Variants in PIK3C2G observed in about 807,000 individuals in gnomAD.
PIK3C2G encodes phosphatidylinositol-4-phosphate 3-kinase catalytic subunit type 2 gamma, also known as phosphatidylinositol 3-kinase C2 domain-containing subunit gamma.
PIK3C2G carries 168 observed loss-of-function variants against 181.1 expected under a neutral mutation model. The observed-to-expected ratio is 0.93, with a 90% CI of 0.82 to 1.05. PIK3C2G has a LOEUF of 1.05. Ranked by LOEUF, PIK3C2G falls within the 50% of genes least tolerant of loss-of-function variation. The pLI, the probability that PIK3C2G is intolerant of heterozygous loss-of-function variation, is 0.00. For synonymous variants in PIK3C2G, 573 were observed against 592.2 expected, an observed-to-expected ratio of 0.97 and a Z score of 0.47; for missense variants, 1,869 against 1,732.8, an observed-to-expected ratio of 1.08 and a Z score of -1.40.
chr12:18,515,090 T>G (rs1403223184), intron 24 of PIK3C2G, among the ~76,000 whole-genome samples: 1 of 152,070 alleles, frequency 6.6e-6, no homozygotes, highest in Non-Finnish European at 1.5e-5. Flanking sequence ...TAAATCCCAC[T>G]TGATCATGGT....
chr12:18,487,202 A>T (rs1249962009), intron 18 of PIK3C2G, among the ~76,000 whole-genome samples: 1 of 151,856 alleles, frequency 6.6e-6, no homozygotes, highest in Non-Finnish European at 1.5e-5. Context: ...TTGAGAAAAT[A>T]AAAGAGGTAC....
At chr12:18,356,472 C>T (rs772372183) in intron 11 of PIK3C2G, among the ~76,000 whole-genome samples, 1 of 152,144 alleles carries the variant, frequency 6.6e-6, no homozygotes, top group African/African-American at 2.4e-5. Context: ...CAATCTCTGG[C>T]ACCCCAGAGG....
chr12:18,547,675 C>A (rs1944505420), intron 26 of PIK3C2G, among the ~76,000 whole-genome samples: 1 of 119,540 alleles, frequency 8.4e-6, no homozygotes, highest in African/African-American at 3.2e-5. Context: ...AAAAAAAACC[C>A]TGCCTTCTTG....
rs374210321 is a variant in PIK3C2G, at chr12:18,313,922, T to C, written c.1035-40T>C. ...GAGGAAAACATGTATTTGGGAATAT[T>C]ATGGGAGGATATGATTGTGTTCATT... On this transcript the variant is annotated intron_variant, in intron 5 of 32. Transcript: ENST00000538779. 4.1e-6 allele frequency: 4 copies of C among 982,138 alleles called. No homozygotes were observed. In the African/African-American group the frequency reaches 4.9e-5, roughly 12 times the overall value. The allele number at this position is 982,138 out of a possible 1,614,324, so 60.8% of individuals were successfully genotyped here. A position where few individuals can be genotyped will look rare whatever the true frequency, so the allele number is the denominator to read the frequency against.
chr12:18,517,616 C>G (rs1021341144), intron 24 of PIK3C2G, among the ~76,000 whole-genome samples: 1 of 152,128 alleles, frequency 6.6e-6, no homozygotes, highest in Non-Finnish European at 1.5e-5. Context: ...TGCTTATCAG[C>G]TTAAGGAGTT....
intron 1 of PIK3C2G, among the ~76,000 whole-genome samples, chr12:18,268,791 T>C (rs1429885419): frequency 6.6e-6 from 1 of 152,218 alleles, no homozygotes; most frequent in African/African-American, 2.4e-5. Context: ...TGTATTCAAC[T>C]TACCATTGGT....
chr12:18,653,312 T>G (rs1219815420), downstream of PIK3C2G, among the ~76,000 whole-genome samples: 1 of 152,116 alleles, frequency 6.6e-6, no homozygotes, highest in Non-Finnish European at 1.5e-5. Context: ...AAAACTCCAG[T>G]GATAAAAGTA....
At chr12:18,653,242 G>A (rs1344784829), downstream of PIK3C2G, among the ~76,000 whole-genome samples, 2 of 152,204 alleles carry the variant, frequency 1.3e-5, no homozygotes, top group East Asian at 1.9e-4. Flanking sequence ...GGATTATTGA[G>A]AAGCCATCAT....
chr12:18,397,699 C>T (rs1168323349), intron 15 of PIK3C2G, among the ~76,000 whole-genome samples: 1 of 152,030 alleles, frequency 6.6e-6, no homozygotes, highest in Non-Finnish European at 1.5e-5. Flanking sequence ...ACAATTACTT[C>T]AGAAAACAGT....
At chr12:18,375,056 C>T (rs1047782141) in intron 13 of PIK3C2G, among the ~76,000 whole-genome samples, 5 of 152,148 alleles carry the variant, frequency 3.3e-5, no homozygotes, top group East Asian at 3.9e-4. Context: ...CCCAGAAAGT[C>T]GGTACCAGGA....
intron 29 of PIK3C2G, among the ~76,000 whole-genome samples, chr12:18,578,083 T>G (rs1946319909): frequency 6.6e-6 from 1 of 152,178 alleles, no homozygotes; most frequent in Non-Finnish European, 1.5e-5. Flanking sequence ...TTAAACATGC[T>G]GGTTCTAAAG....
rs11044083 is a variant in PIK3C2G, at chr12:18,409,393, G to C, written c.2315+9546G>C. Among the ~76,000 whole-genome samples, 434 of 152,172 alleles carry C rather than the reference G, an allele frequency of 2.9e-3. 1 individual carries two copies. Among genetic ancestry groups the C allele is most frequent in the African/African-American group, 9.7e-3 (402 of 41,518 alleles). On this transcript the variant is annotated intron_variant, in intron 16 of 32. Transcript: ENST00000538779. ...AGGGGAACATCACACACCAGGACCT[G>C]TTGGGGAGTGTGGGGCTAGGGGAGG...
chr12:18,584,605 C>T (rs1946678413), intron 29 of PIK3C2G, among the ~76,000 whole-genome samples: 1 of 152,088 alleles, frequency 6.6e-6, no homozygotes, highest in Admixed American at 6.6e-5. Flanking sequence ...AAGCAAACAA[C>T]TTGGAAATAT....
intron 14 of PIK3C2G, among the ~76,000 whole-genome samples, chr12:18,382,196 G>A (rs993649526): frequency 6.6e-6 from 1 of 152,052 alleles, no homozygotes; most frequent in African/African-American, 2.4e-5. Flanking sequence ...AACAGTCATT[G>A]GTATGTATTA....
At chr12:18,617,067 T>C (rs190953612) in intron 31 of PIK3C2G, among the ~76,000 whole-genome samples, 24 of 152,226 alleles carry the variant, frequency 1.6e-4, no homozygotes, top group Non-Finnish European at 3.4e-4. Context: ...TTTTATCTCA[T>C]CCCTTTAGCT....
chr12:18,310,512 T>C (rs945046741), intron 5 of PIK3C2G, among the ~76,000 whole-genome samples: 2 of 151,936 alleles, frequency 1.3e-5, no homozygotes. Flanking sequence ...GATCTCTACT[T>C]GAGCAGTTGT....
chr12:18,509,881 A>G (rs1942097136), intron 24 of PIK3C2G, among the ~76,000 whole-genome samples: 1 of 152,174 alleles, frequency 6.6e-6, no homozygotes, highest in Non-Finnish European at 1.5e-5. Flanking sequence ...TTCTGGGGAA[A>G]ATTTGGCTAA....
rs373652062 is a variant in PIK3C2G, at chr12:18,264,026, G to A, written c.-79+2449G>A. On this transcript the variant is annotated intron_variant, in intron 1 of 32. Coordinates refer to ENST00000538779, the MANE Select transcript of PIK3C2G (RefSeq NM_001288772.2). ...ACCCTTTTCTCATCTTCTCACTTAC[G>A]GAACTTCTCCCAACTTGATTGATGT... 9.2e-5 allele frequency among the ~76,000 whole-genome samples: 14 copies of A among 152,002 alleles called. No individual in the cohort carries two copies. The East Asian group carries it at 2.5e-3, about 27-fold the overall frequency.
the PIK3C2G span, among the ~76,000 whole-genome samples, chr12:18,719,189 G>A: frequency 0.83 from 125,723 of 152,042 alleles, 52,201 homozygotes; most frequent in East Asian, 0.99. Flanking sequence ...ACCATGGAGA[G>A]GAGGTTAACA....
Sources: gnomAD v4.1 joint callset for allele counts (sites outside exome capture counted in the v4.1 genomes callset) on GRCh38, gnomAD v4.1.1 for gene constraint, MANE v1.5 for transcripts, NCBI Gene and HGNC (gene_info 2026-07-23, HGNC 2026-07-21) for gene names.